The following SLC39A8 variants were observed in gnomAD, a reference collection of about 807,000 sequenced individuals.
SLC39A8 encodes solute carrier family 39 member 8.
Under a neutral mutation model 40.4 loss-of-function variants are expected in SLC39A8, and 15 were observed. That is an observed-to-expected ratio of 0.37 (90% CI 0.25 to 0.57). SLC39A8 has a LOEUF of 0.57. SLC39A8 is among the 20% of genes least tolerant of loss of function. The pLI is 0.75. For missense variants in SLC39A8, 472 were observed against 558.8 expected (o/e 0.84, Z 1.57); for synonymous variants, 223 against 221.6 (o/e 1.01, Z -0.06).
chr4:102,292,700 G>C (rs185460598), intron 6 of SLC39A8, among the ~76,000 whole-genome samples: 1 of 151,960 alleles, frequency 6.6e-6, no homozygotes, highest in Non-Finnish European at 1.5e-5. Flanking sequence ...TTGTGGCTTT[G>C]CATCTATACA....
At chr4:102,253,163 G>A in exon 12 of SLC39A8, 1 of 359,058 alleles carries the variant, frequency 2.8e-6, no homozygotes, top group East Asian at 4.2e-5. Flanking sequence ...GTTTTTCGGG[G>A]CGAGCGGGGA....
intron 6 of SLC39A8, among the ~76,000 whole-genome samples, chr4:102,302,660 C>G (rs1257115411): frequency 6.6e-6 from 1 of 151,966 alleles, no homozygotes. Context: ...AGCCTTGGTA[C>G]TAATCCAAGC....
In SLC39A8 at chr4:102,290,275, T is replaced by A. The variant is rs72924862; in HGVS notation, c.840+14042A>T. ...AGACATAATGACAGTGCACACTTAA[T>A]AGACTATAGTGTAGTGAAAACATAT... On this transcript the variant is annotated intron_variant, in intron 6 of 8. Coordinates refer to ENST00000356736, the MANE Select transcript of SLC39A8 (RefSeq NM_001135146.2). 6.5e-3 allele frequency among the ~76,000 whole-genome samples: 997 copies of A among 152,270 alleles called. 17 individuals carry two copies. Among genetic ancestry groups the A allele is most frequent in the African/African-American group, 0.023 (951 of 41,554 alleles).
intron 6 of SLC39A8, among the ~76,000 whole-genome samples, chr4:102,284,770 A>G (rs192002049): frequency 6.6e-6 from 1 of 152,302 alleles, no homozygotes; most frequent in Non-Finnish European, 1.5e-5. Context: ...TCCAGAAAAG[A>G]ATGTTTGAGA....
In SLC39A8 at chr4:102,334,369, G is replaced by C. The variant is rs936341436; in HGVS notation, c.219+10075C>G. 4.3e-4 allele frequency among the ~76,000 whole-genome samples: 65 copies of C among 152,166 alleles called. 1 individual carries two copies. The highest frequency in any genetic ancestry group is 1.6e-4 in the Non-Finnish European group (11 of 68,028). ...CTTATTCGTATCTCAGTTTCTGGGG[G>C]AACTGATATGTCCCAATTTTCTCAC... On this transcript the variant is annotated intron_variant, in intron 2 of 8. Coordinates refer to ENST00000356736, the MANE Select transcript of SLC39A8 (RefSeq NM_001135146.2).
At chr4:102,326,284 G>A (rs751068909) in intron 2 of SLC39A8, among the ~76,000 whole-genome samples, 5 of 152,320 alleles carry the variant, frequency 3.3e-5, no homozygotes, top group Non-Finnish European at 5.9e-5. Context: ...CACCTTGGCC[G>A]GGTGCGGTGG....
At chr4:102,331,804 G>C (rs375991989) in intron 2 of SLC39A8, among the ~76,000 whole-genome samples, 5 of 152,166 alleles carry the variant, frequency 3.3e-5, no homozygotes, top group African/African-American at 1.2e-4. Context: ...CATAGTACTG[G>C]TACCACAACA....
chr4:102,293,322 A>G (rs1336574524), intron 6 of SLC39A8, among the ~76,000 whole-genome samples: 1 of 152,038 alleles, frequency 6.6e-6, no homozygotes, highest in Non-Finnish European at 1.5e-5. Flanking sequence ...CATTCCTATT[A>G]AAGTTGGAAA....
chr4:102,344,513 G>A lies in SLC39A8; in HGVS notation c.150C>T (p.His50=). 1 of 1,558,836 alleles carries A rather than the reference G, an allele frequency of 6.4e-7. No individual in the cohort carries two copies. Among genetic ancestry groups the A allele is most frequent in the South Asian group, 1.2e-5 (1 of 84,234 alleles). ...NLSLSAAQLQ[H]LLEQMGAASR... is the part of the protein sequence containing the mutation. ...AGGCGGCTCCCATCTGCTCCAGCAA[G>A]TGCTGGAGCTGCGCCGCCGACAGGC... Residue 50 remains histidine, a synonymous_variant, in exon 2 of 9, where the codon CAC becomes CAT. Coordinates refer to ENST00000356736, the MANE Select transcript of SLC39A8 (RefSeq NM_001135146.2).
intron 2 of SLC39A8, among the ~76,000 whole-genome samples, chr4:102,319,396 G>T (rs1734805011): frequency 6.6e-6 from 1 of 152,158 alleles, no homozygotes; most frequent in South Asian, 2.1e-4. Context: ...CTAAACTGCA[G>T]TCAGGCTCCT....
intron 8 of SLC39A8, among the ~76,000 whole-genome samples, chr4:102,266,849 G>A (rs984922790): frequency 2.0e-5 from 3 of 151,892 alleles, no homozygotes; most frequent in African/African-American, 7.3e-5. Context: ...CTTGTGATCC[G>A]CCCGCCTCGG....
At chr4:102,251,294 C>T (rs1372813395) in exon 12 of SLC39A8, 1 of 152,120 alleles carries the variant, frequency 6.6e-6, no homozygotes, top group African/African-American at 2.4e-5. Context: ...GTTATGTCAA[C>T]AAAAGGGAAA....
chr4:102,293,399 A>G (rs1439862996), intron 6 of SLC39A8, among the ~76,000 whole-genome samples: 1 of 152,034 alleles, frequency 6.6e-6, no homozygotes, highest in Non-Finnish European at 1.5e-5. Flanking sequence ...CCAATAAAAC[A>G]AGAGAAATAA....
chr4:102,262,000 A>C lies in SLC39A8; in HGVS notation c.*1044T>G. On this transcript the variant is annotated 3_prime_UTR_variant, in exon 9 of 9. Coordinates refer to ENST00000356736, the MANE Select transcript of SLC39A8 (RefSeq NM_001135146.2). ...AACCATGGTGTGCTAATTTTTTTCA[A>C]GGTATACCATATGGAAAAGTATAGG... 1 of 985,932 alleles carries C rather than the reference A, an allele frequency of 1.0e-6. No individual in the cohort carries two copies. The highest frequency in any genetic ancestry group is 1.2e-6 in the Non-Finnish European group (1 of 829,874). 61.1% of individuals were successfully genotyped at this position (985,932 alleles called of 1,614,324 possible). A position where few individuals can be genotyped will look rare whatever the true frequency, so the allele number is the denominator to read the frequency against.
At chr4:102,294,353 C>G (rs932384597) in intron 6 of SLC39A8, among the ~76,000 whole-genome samples, 7 of 151,924 alleles carry the variant, frequency 4.6e-5, no homozygotes, top group African/African-American at 1.7e-4. Context: ...GCAAGAATCC[C>G]CTCATCCTTT....
chr4:102,291,152 T>C (rs1274318358), intron 6 of SLC39A8, among the ~76,000 whole-genome samples: 1 of 152,082 alleles, frequency 6.6e-6, no homozygotes, highest in South Asian at 2.1e-4. Flanking sequence ...TAAAATAGTT[T>C]ACTTTTCTAG....
intron 2 of SLC39A8, among the ~76,000 whole-genome samples, chr4:102,343,984 C>T (rs1350151210): frequency 6.6e-6 from 1 of 152,136 alleles, no homozygotes; most frequent in African/African-American, 2.4e-5. Flanking sequence ...TACATTATAT[C>T]TCGTTTTCAA....
Position 102,344,333 on chromosome 4 carries a change from T to C in SLC39A8, c.219+111A>G, listed in dbSNP as rs534392336. ...CAGATACCGCCTTCTACTTGAGAAA[T>C]ATAACAAGATTCTTTCTCCTGCACT... On this transcript the variant is annotated intron_variant, in intron 2 of 8. Transcript: ENST00000356736. 2.5e-5 allele frequency: 18 copies of C among 723,770 alleles called. No individual in the cohort carries two copies. In the African/African-American group the frequency reaches 3.2e-4, roughly 13 times the overall value. 44.8% of individuals were successfully genotyped at this position (723,770 alleles called of 1,614,324 possible).
At chr4:102,298,618 C>G (rs1172703077) in intron 6 of SLC39A8, among the ~76,000 whole-genome samples, 1 of 151,886 alleles carries the variant, frequency 6.6e-6, no homozygotes, top group Non-Finnish European at 1.5e-5. Flanking sequence ...ATAGTGCAGA[C>G]CAGATATACA....
Sources: gnomAD v4.1 joint callset for allele counts (sites outside exome capture counted in the v4.1 genomes callset) on GRCh38, gnomAD v4.1.1 for gene constraint, MANE v1.5 for transcripts, NCBI Gene and HGNC (gene_info 2026-07-23, HGNC 2026-07-21) for gene names.